The following SLIT1 variants were observed in gnomAD, a reference collection of about 807,000 sequenced individuals.
SLIT1 encodes slit homolog 1 protein.
In SLIT1, 66 loss-of-function variants were observed where a neutral mutation model predicts 186.1. The ratio of observed to expected loss-of-function variants is 0.35; its 90% CI spans 0.29 to 0.44. The LOEUF is 0.44. Among genes scored for constraint, SLIT1 ranks in the 20% least tolerant of loss-of-function variants. The pLI is 1.00. For synonymous variants in SLIT1, 761 were observed against 833.8 expected (o/e 0.91, Z 1.50); for missense variants, 1,638 against 2,037.4 (o/e 0.80, Z 3.77).
At chr10:97,118,682 A>G (rs1849530660) in intron 4 of SLIT1, among the ~76,000 whole-genome samples, 1 of 152,176 alleles carries the variant, frequency 6.6e-6, no homozygotes. Flanking sequence ...CACTTAAAAG[A>G]CATACCGAAT....
At chr10:97,103,770 C>CA (rs1849385154) in intron 4 of SLIT1, 1 of 152,186 alleles carries the variant, frequency 6.6e-6, no homozygotes. Flanking sequence ...TGTTGTTGCC[C>CA]AGTCACAACC....
intron 4 of SLIT1, among the ~76,000 whole-genome samples, chr10:97,072,643 T>C (rs527298158): frequency 9.2e-5 from 14 of 152,308 alleles, no homozygotes; most frequent in African/African-American, 3.4e-4. Flanking sequence ...GCCCTCATCG[T>C]TTAAATGAAG....
chr10:97,083,514 A>C (rs889964990), intron 4 of SLIT1, among the ~76,000 whole-genome samples: 10 of 152,216 alleles, frequency 6.6e-5, no homozygotes, highest in African/African-American at 2.4e-4. Context: ...TAATGTTGAC[A>C]TTGAGTCATC....
rs779976459 is a variant in SLIT1 at position 97,046,751 on chromosome 10, C to T, written c.1756G>A (p.Glu586Lys). 1.7e-5 allele frequency: 28 copies of T among 1,612,494 alleles called. No homozygotes were observed. Among genetic ancestry groups the T allele is most frequent in the Non-Finnish European group, 2.1e-5 (25 of 1,180,034 alleles). The change falls in exon 18 of 37, where the codon GAG (glutamate) becomes AAG (lysine). Residue 586 changes from glutamate (E) to lysine (K), a missense_variant. By Grantham distance (56) the Glu-to-Lys change is moderately conservative. Coordinates refer to ENST00000266058, the MANE Select transcript of SLIT1 (RefSeq NM_003061.3). ...AGCTCGCTCACAGAGGCTGCGCCCT[C>T]GAAGGCCCCATCTTCAATTTCTGAC... ...KVSEIEDGAF[E>K]GAASVSELHL...
intron 4 of SLIT1, among the ~76,000 whole-genome samples, chr10:97,123,779 G>C (rs1226446867): frequency 7.9e-6 from 1 of 126,356 alleles, no homozygotes; most frequent in Non-Finnish European, 1.7e-5. Flanking sequence ...GACAGGGTGA[G>C]ACTCTGTCTG....
intron 4 of SLIT1, among the ~76,000 whole-genome samples, chr10:97,069,755 C>T (rs577023990): frequency 6.6e-5 from 10 of 152,248 alleles, no homozygotes; most frequent in Admixed American, 2.0e-4. Context: ...GGTGTGTGTA[C>T]GTGGGAGGTT....
chr10:97,114,829 T>C (rs1458498244), intron 4 of SLIT1, among the ~76,000 whole-genome samples: 1 of 152,158 alleles, frequency 6.6e-6, no homozygotes. Context: ...GTTGGGCAAA[T>C]TCTTGGCTAC....
At chr10:97,063,417 G>A (rs367881355) in intron 8 of SLIT1, 38 bp downstream of exon 8, 57 of 1,608,366 alleles carry the variant, frequency 3.5e-5, no homozygotes, top group Admixed American at 8.3e-5. Flanking sequence ...GGCAGGAGGC[G>A]CCGGACAGTT....
chr10:97,163,189 G>A (rs185636682), intron 3 of SLIT1, among the ~76,000 whole-genome samples, 191 bp downstream of exon 3: 1 of 152,338 alleles, frequency 6.6e-6, no homozygotes, highest in African/African-American at 2.4e-5. Flanking sequence ...CCCACTCCAG[G>A]TTTCTCTGTG....
At chr10:97,084,232 A>T (rs915016334) in intron 4 of SLIT1, among the ~76,000 whole-genome samples, 1 of 152,098 alleles carries the variant, frequency 6.6e-6, no homozygotes, top group African/African-American at 2.4e-5. Flanking sequence ...AAGGGGTGGA[A>T]ATTTTCTCCA....
At chr10:97,112,487 C>T (rs1849473794) in intron 4 of SLIT1, among the ~76,000 whole-genome samples, 1 of 152,188 alleles carries the variant, frequency 6.6e-6, no homozygotes, top group Non-Finnish European at 1.5e-5. Context: ...TGGGCCAGGA[C>T]AGATAATCCA....
Position 97,185,658 on chromosome 10 carries a change from C to T in SLIT1, c.17G>A (p.Gly6Glu). 1.3e-6 allele frequency: 2 copies of T among 1,537,066 alleles called. No individual in the cohort carries two copies. The highest frequency in any genetic ancestry group is 2.5e-5 in the East Asian group (1 of 40,218). ...GACCGGCCCCGCCGAGGACCCCCACCCGGGAGTCAGCGCCATGGTGCCCTC... is the reference window on the plus strand; with the variant it reads ...GACCGGCCCCGCCGAGGACCCCCACTCGGGAGTCAGCGCCATGGTGCCCTC... MALTP[G>E]WGSSAGPVRP... Residue 6 changes from glycine (G) to glutamate (E), a missense_variant, in exon 1 of 37, where the codon GGG (glycine) becomes GAG (glutamate). Around this residue, in one of 3 missense-constraint regions of SLIT1, gnomAD observed 1,245 missense variants for 1,535.3 expected, o/e 0.81. Coordinates refer to ENST00000266058, the MANE Select transcript of SLIT1 (RefSeq NM_003061.3).
intron 4 of SLIT1, among the ~76,000 whole-genome samples, chr10:97,092,397 A>G (rs142609107): frequency 4.8e-4 from 73 of 152,378 alleles, no homozygotes; most frequent in African/African-American, 1.6e-3. Flanking sequence ...AGTGGGCCCA[A>G]GGATTTGTGA....
intron 1 of SLIT1, among the ~76,000 whole-genome samples, chr10:97,183,893 T>C (rs1372542608): frequency 6.6e-6 from 1 of 152,034 alleles, no homozygotes; most frequent in Non-Finnish European, 1.5e-5. Context: ...GACAGATTTC[T>C]GACCCTCAGA....
rs929141829 is a variant in SLIT1, at chr10:97,001,359, G to T, written c.4367-9C>A. 3.5e-5 allele frequency: 56 copies of T among 1,605,840 alleles called. No homozygotes were observed. In the Admixed American group the frequency reaches 9.0e-4, roughly 26 times the overall value. On this transcript the variant is annotated splice_polypyrimidine_tract_variant and intron_variant, in intron 36 of 36. Coordinates refer to ENST00000266058, the MANE Select transcript of SLIT1 (RefSeq NM_003061.3). Reference sequence around the variant, plus strand: ...CCCCCGGCACTCGGACTCTGGATGGGACAGACACCAAGAGAAAGCCTCAGG... The same window carrying T: ...CCCCCGGCACTCGGACTCTGGATGGTACAGACACCAAGAGAAAGCCTCAGG...
At position 97,041,468 on chromosome 10, in the gene SLIT1, C is replaced by T. The variant is rs867383084; in HGVS notation, c.2165-1348G>A. Among the ~76,000 whole-genome samples, 116 of 147,462 alleles carry T rather than the reference C, an allele frequency of 7.9e-4. 1 individual carries two copies. Among genetic ancestry groups the T allele is most frequent in the Non-Finnish European group, 1.3e-4 (9 of 66,956 alleles). ...GGGGGCCGGGGGGTAGTGGGCAAAT[C>T]GTTAATTTTTTTTTTTTTTTTGAGA... On this transcript the variant is annotated intron_variant, in intron 20 of 36. Transcript: ENST00000266058.
chr10:97,057,448 G>C (rs1011176894), intron 11 of SLIT1, among the ~76,000 whole-genome samples, 167 bp from the exon 12 acceptor site: 4 of 152,274 alleles, frequency 2.6e-5, no homozygotes, highest in Admixed American at 1.3e-4. Flanking sequence ...TGACAGTAAA[G>C]TGTCTTAAGA....
At chr10:97,167,828 A>C (rs1850140057) in intron 1 of SLIT1, among the ~76,000 whole-genome samples, 1 of 152,228 alleles carries the variant, frequency 6.6e-6, no homozygotes, top group South Asian at 2.1e-4. Flanking sequence ...GGTTTTAAAA[A>C]GGGCAGTTCT....
chr10:97,163,774 G>A (rs902467), intron 2 of SLIT1, among the ~76,000 whole-genome samples: 67,715 of 152,210 alleles, frequency 0.44, 16,928 homozygotes, highest in Admixed American at 0.59. Flanking sequence ...CCATGTCTCC[G>A]CTCCAATCAG....
Sources: gnomAD v4.1 joint callset for allele counts (sites outside exome capture counted in the v4.1 genomes callset) on GRCh38, gnomAD v4.1.1 for gene constraint, gnomAD v4.1.1 regional missense constraint, MANE v1.5 for transcripts, NCBI Gene and HGNC (gene_info 2026-07-23, HGNC 2026-07-21) for gene names.